The following PIBF1 variants were observed in gnomAD, a reference collection of about 807,000 sequenced individuals.
PIBF1 encodes progesterone-induced-blocking factor 1.
PIBF1 carries 90 observed loss-of-function variants against 112.5 expected under a neutral mutation model. The observed-to-expected ratio is 0.80, with a 90% CI of 0.67 to 0.95. The LOEUF (loss-of-function observed/expected upper bound fraction) is 0.95, where lower values mean the gene tolerates loss of function less well. PIBF1 is among the 40% of genes least tolerant of loss of function. PIBF1 has a pLI of 0.00. For synonymous variants in PIBF1, 301 were observed against 288.6 expected (o/e 1.04, Z -0.44); for missense variants, 915 against 852.3 (o/e 1.07, Z -0.92).
chr13:72,883,707 CA>C (rs962598239), intron 10 of PIBF1, among the ~76,000 whole-genome samples: 1 of 152,188 alleles, frequency 6.6e-6, no homozygotes, highest in African/African-American at 2.4e-5. Flanking sequence ...AGGCTGGCCT[CA>C]AACTCCTGAC....
intron 9 of PIBF1, among the ~76,000 whole-genome samples, chr13:72,839,684 T>C (rs1346058793): frequency 1.3e-5 from 2 of 152,210 alleles, no homozygotes; most frequent in Non-Finnish European, 2.9e-5. Flanking sequence ...TAAACTTTGG[T>C]ATGTAATCAT....
At position 72,864,946 on chromosome 13, in the gene PIBF1, C is replaced by T. The variant is rs1366271840; in HGVS notation, c.1322+10791C>T. 2.6e-5 allele frequency among the ~76,000 whole-genome samples: 4 copies of T among 152,198 alleles called. 1 individual carries two copies. The South Asian group carries it at 8.3e-4, about 32-fold the overall frequency. ...AGGCAAATTTAGATGAACATTACTTCCAGTTTTAGAGACTGCTTCTAAATT... is the reference window on the plus strand; with the variant it reads ...AGGCAAATTTAGATGAACATTACTTTCAGTTTTAGAGACTGCTTCTAAATT... On this transcript the variant is annotated intron_variant, in intron 10 of 17. Coordinates refer to ENST00000326291, the MANE Select transcript of PIBF1 (RefSeq NM_006346.4).
chr13:72,906,813 G>A (rs1327398302), intron 11 of PIBF1, among the ~76,000 whole-genome samples: 1 of 152,002 alleles, frequency 6.6e-6, no homozygotes, highest in Non-Finnish European at 1.5e-5. Context: ...GGTTTTGCAG[G>A]GGGAGGTGGG....
At chr13:72,837,812 A>G (rs1185150894) in intron 9 of PIBF1, among the ~76,000 whole-genome samples, 1 of 152,210 alleles carries the variant, frequency 6.6e-6, no homozygotes, top group Non-Finnish European at 1.5e-5. Context: ...GCTTCTTCAC[A>G]TAACCTTATG....
At chr13:72,923,147 A>G (rs1191088615) in intron 13 of PIBF1, among the ~76,000 whole-genome samples, 1 of 152,200 alleles carries the variant, frequency 6.6e-6, no homozygotes, top group Non-Finnish European at 1.5e-5. Flanking sequence ...TTTTGGTAAT[A>G]GTAAGACACC....
At chr13:72,840,470 A>T (rs1485693264) in intron 9 of PIBF1, among the ~76,000 whole-genome samples, 1 of 151,836 alleles carries the variant, frequency 6.6e-6, no homozygotes, top group Non-Finnish European at 1.5e-5. Flanking sequence ...GAAATGGATG[A>T]AGTACTTACA....
At chr13:72,836,963 A>G (rs1009005927) in intron 9 of PIBF1, among the ~76,000 whole-genome samples, 27 of 152,058 alleles carry the variant, frequency 1.8e-4, no homozygotes, top group African/African-American at 6.5e-4. Context: ...TTCAACAGAT[A>G]CTTTGTGATT....
At chr13:72,917,616 T>C (rs143441659) in intron 13 of PIBF1, among the ~76,000 whole-genome samples, 11 of 152,284 alleles carry the variant, frequency 7.2e-5, no homozygotes, top group African/African-American at 2.6e-4. Context: ...ACCAAGAGAA[T>C]ATTTAGAAGA....
chr13:72,956,490 C>G (rs1297050453), intron 14 of PIBF1, among the ~76,000 whole-genome samples: 4 of 152,194 alleles, frequency 2.6e-5, no homozygotes, highest in African/African-American at 9.6e-5. Context: ...CAGCTACACT[C>G]TCCTCAGTGG....
intron 10 of PIBF1, among the ~76,000 whole-genome samples, chr13:72,873,709 T>C (rs1392996721): frequency 6.6e-6 from 1 of 152,080 alleles, no homozygotes; most frequent in Admixed American, 6.6e-5. Context: ...AAACTTGATA[T>C]TCCAACTTGG....
intron 11 of PIBF1, among the ~76,000 whole-genome samples, chr13:72,901,344 C>G (rs1432723545): frequency 6.6e-6 from 1 of 152,086 alleles, no homozygotes; most frequent in Non-Finnish European, 1.5e-5. Context: ...CAAAACAAAA[C>G]CACGATACAG....
intron 9 of PIBF1, among the ~76,000 whole-genome samples, chr13:72,849,674 A>G (rs1258564163): frequency 6.6e-6 from 1 of 152,238 alleles, no homozygotes; most frequent in Non-Finnish European, 1.5e-5. Flanking sequence ...GTCATGTAAT[A>G]TAAATCTCAT....
At chr13:72,885,195 A>G (rs185167888) in intron 10 of PIBF1, among the ~76,000 whole-genome samples, 10 of 152,132 alleles carry the variant, frequency 6.6e-5, no homozygotes, top group Admixed American at 4.6e-4. Flanking sequence ...TCCACACTGT[A>G]TATTTTTTGG....
chr13:72,989,313 C>T (rs756194716), intron 16 of PIBF1, among the ~76,000 whole-genome samples: 1 of 152,094 alleles, frequency 6.6e-6, no homozygotes, highest in Non-Finnish European at 1.5e-5. Flanking sequence ...TCATAGTAAC[C>T]AAAAAGTGGA....
chr13:72,856,707 A>G (rs2038438119), intron 10 of PIBF1, among the ~76,000 whole-genome samples: 1 of 152,212 alleles, frequency 6.6e-6, no homozygotes, highest in South Asian at 2.1e-4. Context: ...ATATCAATAA[A>G]TGAAGGGAAA....
intron 16 of PIBF1, among the ~76,000 whole-genome samples, chr13:72,995,166 G>T (rs973156157): frequency 6.6e-6 from 1 of 151,920 alleles, no homozygotes; most frequent in Admixed American, 6.6e-5. Flanking sequence ...GCCGGGCATG[G>T]TAGTGGGCAC....
At chr13:72,812,464 G>A (rs1363197175) in intron 5 of PIBF1, among the ~76,000 whole-genome samples, 3 of 152,106 alleles carry the variant, frequency 2.0e-5, no homozygotes, top group Non-Finnish European at 4.4e-5. Context: ...AGGCACAGTG[G>A]CTCACGGCTG....
At chr13:72,798,051 G>A (rs2035282150) in intron 5 of PIBF1, 25 bp downstream of exon 5, 2 of 1,570,398 alleles carry the variant, frequency 1.3e-6, no homozygotes, top group East Asian at 4.6e-5. Flanking sequence ...GATTGCTGGT[G>A]GGAAGAAGCT....
intron 8 of PIBF1, among the ~76,000 whole-genome samples, chr13:72,833,318 G>A (rs565568350): frequency 6.6e-6 from 1 of 152,298 alleles, no homozygotes; most frequent in Admixed American, 6.5e-5. Context: ...TTGTTGGCGA[G>A]GAGTTGTGAT....
Sources: gnomAD v4.1 joint callset for allele counts (sites outside exome capture counted in the v4.1 genomes callset) on GRCh38, gnomAD v4.1.1 for gene constraint, MANE v1.5 for transcripts, NCBI Gene and HGNC (gene_info 2026-07-23, HGNC 2026-07-21) for gene names.